Variants in EPB41 observed in about 807,000 individuals in gnomAD.
EPB41 encodes the protein protein 4.1.
A neutral mutation model predicts 108.0 loss-of-function variants in EPB41; 65 were observed. The ratio of observed to expected loss-of-function variants is 0.60; its 90% CI spans 0.49 to 0.74. The LOEUF is 0.74. Among genes scored for constraint, EPB41 ranks in the 30% least tolerant of loss-of-function variants. The probability of loss-of-function intolerance (pLI) is 0.00; values close to 1 mark genes in which losing one functional copy is unlikely to be tolerated. For missense variants in EPB41, 875 were observed against 1,037.0 expected (o/e 0.84, Z 2.15); for synonymous variants, 336 against 358.9 (o/e 0.94, Z 0.72).
At chr1:28,889,060 ACAG>A (rs1198787842) in intron 1 of EPB41, among the ~76,000 whole-genome samples, 1 of 152,212 alleles carries the variant, frequency 6.6e-6, no homozygotes, top group Non-Finnish European at 1.5e-5. Flanking sequence ...GGCTCTGCAC[ACAG>A]CAGAACTGGG....
intron 17 of EPB41, among the ~76,000 whole-genome samples, chr1:29,098,907 G>T (rs776814909): frequency 5.3e-5 from 8 of 151,014 alleles, no homozygotes; most frequent in Admixed American, 4.0e-4. Context: ...TGTATTTTTC[G>T]TAGAGTTGGG....
At chr1:29,024,852 C>G (rs907681880) in intron 7 of EPB41, among the ~76,000 whole-genome samples, 4 of 152,018 alleles carry the variant, frequency 2.6e-5, no homozygotes, top group South Asian at 4.2e-4. Flanking sequence ...AATGGATCGC[C>G]GTGACCAGAA....
At chr1:28,930,343 T>G (rs575141397) in intron 1 of EPB41, among the ~76,000 whole-genome samples, 1 of 151,562 alleles carries the variant, frequency 6.6e-6, no homozygotes. Flanking sequence ...AAAAATTTTT[T>G]TTTTTATAGA....
rs1254276109 is a variant in EPB41 at position 29,115,164 on chromosome 1, A to G, written c.2497-535A>G. 6.6e-6 allele frequency among the ~76,000 whole-genome samples: 1 copy of G among 152,140 alleles called. No homozygotes were observed. On this transcript the variant is annotated intron_variant, in intron 19 of 20. Transcript: ENST00000343067. The surrounding 1 kb of genome is among the most constrained non-coding windows in gnomAD (Gnocchi z 4.4). ...TCCCAGCACTTTGGGAGGCCAAGCC[A>G]GGTGGATCATTTGAGGTCAGGAGTT...
chr1:29,036,534 T>TA (rs1314304439), intron 10 of EPB41, among the ~76,000 whole-genome samples: 1 of 152,158 alleles, frequency 6.6e-6, no homozygotes, highest in Non-Finnish European at 1.5e-5. Flanking sequence ...GTGCTGGGAT[T>TA]ACAGGCATGA....
At chr1:28,993,237 C>G (rs971882046) in intron 2 of EPB41, 93 bp from the exon 3 acceptor site, 5 of 1,031,162 alleles carry the variant, frequency 4.8e-6, no homozygotes, top group Middle Eastern at 3.1e-4. Context: ...TTAGTTCATG[C>G]TTTTATTGGT....
intron 1 of EPB41, among the ~76,000 whole-genome samples, chr1:28,898,525 G>A (rs933700353): frequency 2.6e-5 from 4 of 152,182 alleles, no homozygotes; most frequent in African/African-American, 9.7e-5. Context: ...AAATGGCCTG[G>A]CCCAGTGTCT....
At chr1:29,035,509 G>A (rs1639112659) in intron 9 of EPB41, among the ~76,000 whole-genome samples, 1 of 151,638 alleles carries the variant, frequency 6.6e-6, no homozygotes, top group African/African-American at 2.4e-5. Context: ...GAAAAGCAGT[G>A]TCTGGACAAT....
intron 15 of EPB41, among the ~76,000 whole-genome samples, chr1:29,060,710 A>G (rs1236810661): frequency 6.6e-6 from 1 of 152,240 alleles, no homozygotes; most frequent in African/African-American, 2.4e-5. Flanking sequence ...GGAAAAATAT[A>G]TGATTGGGAC....
intron 1 of EPB41, among the ~76,000 whole-genome samples, chr1:28,948,205 C>T (rs919110832): frequency 1.3e-5 from 2 of 151,922 alleles, no homozygotes; most frequent in African/African-American, 4.8e-5. Context: ...TGCTAAGTGG[C>T]GAGAATGGAT....
intron 1 of EPB41, among the ~76,000 whole-genome samples, chr1:28,968,977 C>G (rs1385328687): frequency 3.5e-5 from 2 of 57,898 alleles, no homozygotes; most frequent in African/African-American, 3.2e-4. Context: ...AAACCCCCCA[C>G]CCCCCAAAAA....
chr1:29,050,590 G>C (rs549673509), intron 11 of EPB41, among the ~76,000 whole-genome samples: 159 of 152,196 alleles, frequency 1.0e-3, no homozygotes, highest in Non-Finnish European at 1.6e-3. Flanking sequence ...ATTAGTAGTA[G>C]CTCTGTGCTA....
intron 11 of EPB41, 99 bp from the exon 12 acceptor site, chr1:29,053,005 G>A (rs1288622725): frequency 1.2e-5 from 15 of 1,279,350 alleles, no homozygotes; most frequent in South Asian, 2.5e-5. Flanking sequence ...TCTAACATTC[G>A]TGTGTATCCT....
intron 1 of EPB41, among the ~76,000 whole-genome samples, chr1:28,914,998 AG>A (rs2092502754): frequency 6.6e-6 from 1 of 151,978 alleles, no homozygotes; most frequent in African/African-American, 2.4e-5. Context: ...CGCTGAGGAA[AG>A]GGGAAGGGGT....
chr1:29,038,303 T>G (rs1262853179), intron 10 of EPB41, among the ~76,000 whole-genome samples: 2 of 152,294 alleles, frequency 1.3e-5, no homozygotes, highest in East Asian at 3.9e-4. Flanking sequence ...TAGAATTTTT[T>G]AAAAAGAGCA....
intron 16 of EPB41, among the ~76,000 whole-genome samples, chr1:29,067,684 T>C (rs1433840419): frequency 9.1e-6 from 1 of 110,210 alleles, no homozygotes; most frequent in Non-Finnish European, 1.9e-5. Flanking sequence ...AAAAAAAAAA[T>C]TGGTTCACAA....
At chr1:28,959,248 C>G (rs1310205877) in intron 1 of EPB41, among the ~76,000 whole-genome samples, 1 of 129,118 alleles carries the variant, frequency 7.7e-6, no homozygotes, top group Admixed American at 9.3e-5. Flanking sequence ...GACGGAGTCT[C>G]GCTCTGTTGC....
At chr1:29,069,400 A>G (rs904976458) in intron 16 of EPB41, 42 of 1,228,972 alleles carry the variant, frequency 3.4e-5, no homozygotes, top group Non-Finnish European at 4.2e-5. Context: ...AAAAGTGTCT[A>G]AAGCATTTGC....
chr1:29,016,242 C>T (rs1351805913), intron 6 of EPB41, among the ~76,000 whole-genome samples: 1 of 152,130 alleles, frequency 6.6e-6, no homozygotes, highest in Non-Finnish European at 1.5e-5. Context: ...ATGGCACGAT[C>T]CTGGCTCACT....
Sources: gnomAD v4.1 joint callset for allele counts (sites outside exome capture counted in the v4.1 genomes callset) on GRCh38, gnomAD v4.1.1 for gene constraint, Gnocchi (gnomAD v3.1) non-coding constraint, MANE v1.5 for transcripts, NCBI Gene and HGNC (gene_info 2026-07-23, HGNC 2026-07-21) for gene names.